NDC80: variants seen among roughly 807,000 people sequenced by gnomAD.
NDC80 encodes NDC80 kinetochore complex component.
In NDC80, 69 loss-of-function variants were observed where a neutral mutation model predicts 89.3. The observed-to-expected ratio is 0.77, with a 90% CI of 0.64 to 0.94. NDC80 has a LOEUF of 0.94. Among genes scored for constraint, NDC80 ranks in the 40% least tolerant of loss-of-function variants. NDC80 has a pLI of 0.00. For synonymous variants in NDC80, 243 were observed against 255.6 expected, an observed-to-expected ratio of 0.95 and a Z score of 0.47; for missense variants, 593 against 739.6, an observed-to-expected ratio of 0.80 and a Z score of 2.30.
At chr18:2,595,965 G>C (rs530632938) in intron 11 of NDC80, among the ~76,000 whole-genome samples, 1 of 152,274 alleles carries the variant, frequency 6.6e-6, no homozygotes, top group East Asian at 1.9e-4. Flanking sequence ...TTGAACATCC[G>C]CTGTGTGTCA....
intron 7 of NDC80, among the ~76,000 whole-genome samples, chr18:2,587,207 AT>A (rs2072606924): frequency 1.3e-5 from 2 of 152,220 alleles, no homozygotes; most frequent in Admixed American, 1.3e-4. Flanking sequence ...CTGATCATCC[AT>A]TCTTGCCTTC....
intron 16 of NDC80, 58 bp downstream of exon 16, chr18:2,610,919 T>C: frequency 9.6e-7 from 1 of 1,040,192 alleles, no homozygotes; most frequent in Non-Finnish European, 1.3e-6. Context: ...CTTTGATACA[T>C]TTCTGCTTTC....
intron 1 of NDC80, among the ~76,000 whole-genome samples, chr18:2,572,636 G>C (rs978993072): frequency 1.3e-5 from 2 of 152,124 alleles, no homozygotes; most frequent in African/African-American, 4.8e-5. Flanking sequence ...ATGTGGTCTG[G>C]GTAACAGACA....
intron 15 of NDC80, among the ~76,000 whole-genome samples, chr18:2,610,235 A>AT (rs1341554129): frequency 6.6e-6 from 1 of 152,196 alleles, no homozygotes; most frequent in African/African-American, 2.4e-5. Flanking sequence ...TAAAATATAC[A>AT]TTTTTTAAGT....
chr18:2,578,239 G>T, intron 5 of NDC80, 98 bp downstream of exon 5: 2 of 1,175,102 alleles, frequency 1.7e-6, no homozygotes, highest in South Asian at 1.5e-5. Context: ...GAAATAATAT[G>T]TTTTAAGATG....
chr18:2,602,891 G>C (rs2072691167), intron 13 of NDC80, among the ~76,000 whole-genome samples: 1 of 152,182 alleles, frequency 6.6e-6, no homozygotes, highest in Non-Finnish European at 1.5e-5. Context: ...ACTAGAACTA[G>C]AGGGAAGGAA....
chr18:2,603,170 T>C (rs1228627599), intron 13 of NDC80, among the ~76,000 whole-genome samples: 8 of 151,794 alleles, frequency 5.3e-5, no homozygotes, highest in Non-Finnish European at 1.2e-4. Context: ...GATTTGATGG[T>C]CATTAGAGCA....
chr18:2,582,976 C>T (rs2072585703), intron 6 of NDC80: 1 of 152,206 alleles, frequency 6.6e-6, no homozygotes, highest in Non-Finnish European at 1.5e-5. Flanking sequence ...GTTGCATACA[C>T]TTCAGGAGCG....
In NDC80 at chr18:2,571,669, G is replaced by A. The variant is rs1161320530; in HGVS notation, c.-24G>A. On this transcript the variant is annotated 5_prime_UTR_variant, in exon 1 of 17. Transcript: ENST00000261597. ...AAATTCGGTCCCTGGGTCGTGTCAG[G>A]AAACTGGAAAAAAGGTGACTGAATG... 1 of 152,358 alleles carries A rather than the reference G, an allele frequency of 6.6e-6. No individual in the cohort carries two copies. Among genetic ancestry groups the A allele is most frequent in the Non-Finnish European group, 1.5e-5 (1 of 68,150 alleles). 9.4% of individuals were successfully genotyped at this position (152,358 alleles called of 1,614,324 possible). A position where few individuals can be genotyped will look rare whatever the true frequency, so the allele number is the denominator to read the frequency against.
chr18:2,575,652 T>G (rs1270053419), intron 3 of NDC80, among the ~76,000 whole-genome samples: 1 of 150,538 alleles, frequency 6.6e-6, no homozygotes, highest in Non-Finnish European at 1.5e-5. Context: ...AGACCGGGTG[T>G]GGTGGCTCAC....
chr18:2,596,902 C>T (rs2072659641), intron 11 of NDC80, among the ~76,000 whole-genome samples: 1 of 151,792 alleles, frequency 6.6e-6, no homozygotes, highest in Admixed American at 6.6e-5. Flanking sequence ...TGGAAATCAT[C>T]ATTCTCAGTA....
At chr18:2,582,890 C>T (rs2072585386) in intron 6 of NDC80, 1 of 152,162 alleles carries the variant, frequency 6.6e-6, no homozygotes, top group African/African-American at 2.4e-5. Flanking sequence ...ATAATCAGTC[C>T]TTATTACAGT....
At chr18:2,613,136 T>C (rs2072754105) in intron 16 of NDC80, among the ~76,000 whole-genome samples, 1 of 152,256 alleles carries the variant, frequency 6.6e-6, no homozygotes, top group Non-Finnish European at 1.5e-5. Context: ...AACTACAACC[T>C]GCAGGCCCAA....
chr18:2,573,662 C>G (rs951765116), intron 2 of NDC80, among the ~76,000 whole-genome samples: 1 of 152,182 alleles, frequency 6.6e-6, no homozygotes, highest in African/African-American at 2.4e-5. Context: ...TAATTCTTCT[C>G]TAGTACCGAG....
At chr18:2,587,117 A>G (rs542945715) in intron 7 of NDC80, among the ~76,000 whole-genome samples, 22 of 152,272 alleles carry the variant, frequency 1.4e-4, no homozygotes, top group Admixed American at 6.5e-4. Flanking sequence ...CTTCAAGGTC[A>G]CCTTAATAAG....
In NDC80 at chr18:2,587,918, A is replaced by T; in HGVS notation, c.758A>T (p.Lys253Ile). The part of the protein sequence containing the change: ...FDEMNAELQS[K>I]LKDLFNVDAF... ...GAGATGAATGCAGAGCTGCAGTCAAAACTGAGTAAGTGTTCTCGTTCTTAG... is the reference window on the plus strand; with the variant it reads ...GAGATGAATGCAGAGCTGCAGTCAATACTGAGTAAGTGTTCTCGTTCTTAG... The change falls in exon 8 of 17, where the codon AAA becomes ATA. Residue 253 changes from lysine (K) to isoleucine (I), a missense_variant. By Grantham distance (102) the Lys-to-Ile change is moderately radical (BLOSUM62 -3). Coordinates refer to ENST00000261597, the MANE Select transcript of NDC80 (RefSeq NM_006101.3). 1 of 1,613,150 alleles carries T rather than the reference A, an allele frequency of 6.2e-7. No individual in the cohort carries two copies. Among genetic ancestry groups the T allele is most frequent in the South Asian group, 1.1e-5 (1 of 91,052 alleles).
chr18:2,580,530 G>A lies in NDC80; in HGVS notation c.579+1501G>A, dbSNP rs755808009. Reference sequence around the variant, plus strand: ...TTTAACTAAATGAAGGCAGGCACTGGGTATATGGATTTTGACCCAGGAGCC... The same window carrying A: ...TTTAACTAAATGAAGGCAGGCACTGAGTATATGGATTTTGACCCAGGAGCC... On this transcript the variant is annotated intron_variant, in intron 6 of 16. Coordinates refer to ENST00000261597, the MANE Select transcript of NDC80 (RefSeq NM_006101.3). Among the ~76,000 whole-genome samples the A allele has an allele frequency of 1.1e-3, 163 of 151,852 alleles. 1 individual carries two copies. Among genetic ancestry groups the A allele is most frequent in the Admixed American group, 2.1e-3 (32 of 15,248 alleles).
At chr18:2,614,564 G>GAAGGAAGGAAGGAAGGAAAA (rs1353957918) in intron 16 of NDC80, 1 of 4,080 alleles carries the variant, frequency 2.5e-4, no homozygotes, top group Non-Finnish European at 4.6e-4. Context: ...AGGAAGGAAG[G>GAAGGAAGGAAGGAAGGAAAA]GAAAGAAAGA....
intron 7 of NDC80, among the ~76,000 whole-genome samples, chr18:2,586,342 T>C (rs1017688207): frequency 2.0e-5 from 3 of 152,146 alleles, no homozygotes; most frequent in Middle Eastern, 6.3e-3. Flanking sequence ...ATCCCACCCT[T>C]GAGAAAATTA....
Sources: gnomAD v4.1 joint callset for allele counts (sites outside exome capture counted in the v4.1 genomes callset) on GRCh38, gnomAD v4.1.1 for gene constraint, MANE v1.5 for transcripts, NCBI Gene and HGNC (gene_info 2026-07-23, HGNC 2026-07-21) for gene names.